The following DENND1B variants were observed in gnomAD, a reference collection of about 807,000 sequenced individuals.
DENND1B encodes DENN domain containing 1B, also known as DENN domain-containing protein 1B.
DENND1B carries 59 observed loss-of-function variants against 90.1 expected under a neutral mutation model. That is an observed-to-expected ratio of 0.65 (90% CI 0.53 to 0.81). The LOEUF is 0.81. Ranked by LOEUF, DENND1B falls within the 40% of genes least tolerant of loss-of-function variation. DENND1B has a pLI of 0.00. For synonymous variants in DENND1B, 337 were observed against 324.6 expected (o/e 1.04, Z -0.41); for missense variants, 862 against 912.6 (o/e 0.94, Z 0.71).
chr1:197,574,393 A>G (rs1299872129), intron 15 of DENND1B, among the ~76,000 whole-genome samples: 1 of 152,326 alleles, frequency 6.6e-6, no homozygotes, highest in South Asian at 2.1e-4. Flanking sequence ...AGGGATGTGA[A>G]GGACCTCTTC....
chr1:197,673,278 G>A (rs1655711574), intron 4 of DENND1B, among the ~76,000 whole-genome samples: 2 of 151,752 alleles, frequency 1.3e-5, no homozygotes, highest in Admixed American at 1.3e-4. Context: ...ACTTTTTTTG[G>A]TAGGGGTAGG....
intron 18 of DENND1B, among the ~76,000 whole-genome samples, chr1:197,545,019 C>T (rs1317534450): frequency 3.0e-3 from 76 of 25,658 alleles, no homozygotes; most frequent in Middle Eastern, 0.025. Flanking sequence ...ACGACGACGA[C>T]GAAAGAAGGA....
At chr1:197,776,406 G>A (rs1657271574), upstream of DENND1B, among the ~76,000 whole-genome samples, 1 of 152,190 alleles carries the variant, frequency 6.6e-6, no homozygotes, top group Non-Finnish European at 1.5e-5. Flanking sequence ...CTACTGAGAA[G>A]ACAGGTAGAA....
intron 16 of DENND1B, among the ~76,000 whole-genome samples, chr1:197,550,797 A>G (rs1271350401): frequency 6.6e-6 from 1 of 151,738 alleles, no homozygotes; most frequent in Non-Finnish European, 1.5e-5. Context: ...GTGTACCCTA[A>G]AACTTTAATT....
intron 2 of DENND1B, among the ~76,000 whole-genome samples, chr1:197,729,169 G>A (rs1001425882): frequency 2.2e-4 from 34 of 151,962 alleles, no homozygotes; most frequent in African/African-American, 7.5e-4. Context: ...AATAACCATC[G>A]CTACCAAACC....
intron 3 of DENND1B, among the ~76,000 whole-genome samples, chr1:197,681,554 G>T (rs1469658739): frequency 6.6e-6 from 1 of 152,096 alleles, no homozygotes; most frequent in Non-Finnish European, 1.5e-5. Context: ...AGTATTTATT[G>T]GTCTCATCTA....
chr1:197,580,087 C>CTTTTTTTTTTTTTTTT (rs139056668), intron 15 of DENND1B, among the ~76,000 whole-genome samples: 11 of 76,746 alleles, frequency 1.4e-4, no homozygotes, highest in African/African-American at 2.1e-4. Context: ...TTCTTTCTTT[C>CTTTTTTTTTTTTTTTT]TTTTTTTTTT....
At chr1:197,670,483 G>GTA (rs1553320910) in intron 5 of DENND1B, among the ~76,000 whole-genome samples, 27 of 150,668 alleles carry the variant, frequency 1.8e-4, no homozygotes, top group Non-Finnish European at 3.9e-4. Context: ...GTGTGTGTGT[G>GTA]TATTGAGAGA....
chr1:197,629,921 G>T (rs1362125298), intron 10 of DENND1B, among the ~76,000 whole-genome samples: 4 of 151,952 alleles, frequency 2.6e-5, no homozygotes, highest in Non-Finnish European at 5.9e-5. Context: ...CCTCAGCAAA[G>T]ATATACAAAT....
intron 16 of DENND1B, among the ~76,000 whole-genome samples, chr1:197,549,379 A>G (rs903738214): frequency 2.0e-5 from 3 of 152,162 alleles, no homozygotes; most frequent in Admixed American, 2.0e-4. Context: ...GTAAAACTAA[A>G]TAAGAATGGA....
rs4026518 is a variant in DENND1B, at chr1:197,569,563, T to TACACAC, written c.1149+13583_1149+13588dup. Among the ~76,000 whole-genome samples the TACACAC allele has an allele frequency of 3.9e-3, 584 of 148,160 alleles. 5 individuals carry two copies. The highest frequency in any genetic ancestry group is 0.01 in the African/African-American group (417 of 40,422). On this transcript the variant is annotated intron_variant, in intron 15 of 22. Coordinates refer to ENST00000620048, the MANE Select transcript of DENND1B (RefSeq NM_001195215.2). ...ATGAATACAAAAAGAAAATGTGGTA[T>TACACAC]ACACACACACACACACACACACACA...
intron 3 of DENND1B, among the ~76,000 whole-genome samples, chr1:197,676,674 A>C (rs1656111393): frequency 6.6e-6 from 1 of 152,198 alleles, no homozygotes; most frequent in Non-Finnish European, 1.5e-5. Flanking sequence ...AATAATAAAA[A>C]GAATGGATGG....
rs569722956 is a variant in DENND1B at position 197,716,529 on chromosome 1, A to T, written c.83-1455T>A. Among the ~76,000 whole-genome samples the T allele has an allele frequency of 1.5e-4, 23 of 151,566 alleles. No individual in the cohort carries two copies. In the East Asian group the frequency reaches 3.5e-3, roughly 23 times the overall value. ...CTTGTGGATAATTATATTCCCAATT[A>T]AAAAAAATAGACATATATTTATATG... On this transcript the variant is annotated intron_variant, in intron 2 of 22. Transcript: ENST00000620048.
intron 10 of DENND1B, among the ~76,000 whole-genome samples, chr1:197,638,757 C>T (rs1194760816): frequency 6.6e-6 from 1 of 152,162 alleles, no homozygotes; most frequent in East Asian, 1.9e-4. Context: ...GCTTAAACAT[C>T]TATGGCCTAC....
At chr1:197,556,231 T>C (rs1289410559) in intron 15 of DENND1B, among the ~76,000 whole-genome samples, 2 of 151,848 alleles carry the variant, frequency 1.3e-5, no homozygotes, top group South Asian at 2.1e-4. Context: ...GGGGCAGAGG[T>C]TGAAAAACTA....
chr1:197,645,708 G>T lies in DENND1B; in HGVS notation c.543C>A (p.Leu181=), dbSNP rs1406563308. ...AACTTACACTCTCGGGTATTGTTGG[G>T]AGTCCAGTTACATCAGGGGCAATGA... ...SYFIAPDVTG[L]PTIPESRNLT... is the part of the protein sequence containing the mutation. Residue 181 remains leucine (L), a synonymous_variant, in exon 9 of 23, where the codon CTC becomes CTA. Coordinates refer to ENST00000620048, the MANE Select transcript of DENND1B (RefSeq NM_001195215.2). 3 of 1,567,458 alleles carry T rather than the reference G, an allele frequency of 1.9e-6. No homozygotes were observed. The highest frequency in any genetic ancestry group is 1.4e-5 in the African/African-American group (1 of 73,572).
At chr1:197,569,937 C>T (rs1280241539) in intron 15 of DENND1B, among the ~76,000 whole-genome samples, 1 of 151,780 alleles carries the variant, frequency 6.6e-6, no homozygotes, top group Non-Finnish European at 1.5e-5. Context: ...AACGTTCTCG[C>T]CACAAAAAAT....
chr1:197,597,685 A>G (rs928078437), intron 13 of DENND1B, among the ~76,000 whole-genome samples: 1 of 151,854 alleles, frequency 6.6e-6, no homozygotes, highest in Admixed American at 6.6e-5. Context: ...GCCACAAGCC[A>G]TTCCAAACCA....
In DENND1B at chr1:197,763,719, T is replaced by C. The variant is rs931752418; in HGVS notation, c.82+9149A>G. 2.0e-5 allele frequency among the ~76,000 whole-genome samples: 3 copies of C among 152,242 alleles called. No homozygotes were observed. In the East Asian group the frequency reaches 5.8e-4, roughly 29 times the overall value. On this transcript the variant is annotated intron_variant, in intron 2 of 22. Transcript: ENST00000620048. ...CCTGACAACCAATTGTCTCTCCCTC[T>C]ATTATCTCACAACTACCCGCAAGAT...
Sources: allele counts gnomAD v4.1 joint callset (sites outside exome capture counted in the v4.1 genomes callset), GRCh38; gene constraint gnomAD v4.1.1; transcripts MANE v1.5; gene names NCBI Gene and HGNC (gene_info 2026-07-23, HGNC 2026-07-21).